FTCDNL1: variants seen among roughly 807,000 people sequenced by gnomAD.
The protein encoded by FTCDNL1 is formiminotransferase cyclodeaminase N-terminal like.
Under a neutral mutation model 5.9 loss-of-function variants are expected in FTCDNL1, and 11 were observed. The ratio of observed to expected loss-of-function variants is 1.87; its 90% CI spans 1.18 to 3.10. The LOEUF (loss-of-function observed/expected upper bound fraction) is 3.10. Among genes scored for constraint, FTCDNL1 ranks in the 30% most tolerant of loss-of-function variants. The pLI, the probability that FTCDNL1 is intolerant of heterozygous loss-of-function variation, is 0.00. For synonymous variants in FTCDNL1, 58 were observed against 24.8 expected, an observed-to-expected ratio of 2.34 and a Z score of -3.99; for missense variants, 115 against 65.5, an observed-to-expected ratio of 1.76 and a Z score of -2.61.
intron 3 of FTCDNL1, among the ~76,000 whole-genome samples, chr2:199,823,216 G>A (rs1297771192): frequency 6.6e-6 from 1 of 152,078 alleles, no homozygotes; most frequent in Non-Finnish European, 1.5e-5. Context: ...TCTACTTTTA[G>A]TTTTCTTGCT....
intron 3 of FTCDNL1, among the ~76,000 whole-genome samples, chr2:199,764,551 A>G (rs958267342): frequency 1.3e-5 from 2 of 152,206 alleles, no homozygotes; most frequent in Non-Finnish European, 2.9e-5. Context: ...CATAAAGTAC[A>G]GTGGTTATTT....
chr2:199,776,894 T>A (rs1699103773), intron 3 of FTCDNL1, among the ~76,000 whole-genome samples: 1 of 151,740 alleles, frequency 6.6e-6, no homozygotes, highest in Admixed American at 6.6e-5. Context: ...TAGACACATA[T>A]ACATGTGTAA....
At chr2:199,836,792 G>T (rs1702777037) in intron 3 of FTCDNL1, among the ~76,000 whole-genome samples, 1 of 152,128 alleles carries the variant, frequency 6.6e-6, no homozygotes, top group African/African-American at 2.4e-5. Context: ...ATACAGGGAA[G>T]GAGTAAAAGT....
At chr2:199,679,863 A>G in the FTCDNL1 span, among the ~76,000 whole-genome samples, 1 of 152,112 alleles carries the variant, frequency 6.6e-6, no homozygotes, top group African/African-American at 2.4e-5. Context: ...TTACTTTTCT[A>G]TTTATAACTT....
In FTCDNL1 at chr2:199,812,403, A is replaced by G; in HGVS notation, c.*302T>C. 3.2e-6 allele frequency: 1 copy of G among 315,600 alleles called. No individual in the cohort carries two copies. The highest frequency in any genetic ancestry group is 5.7e-6 in the Non-Finnish European group (1 of 175,592). 19.5% of individuals were successfully genotyped at this position (315,600 alleles called of 1,614,324 possible). A position where few individuals can be genotyped will look rare whatever the true frequency, so the allele number is the denominator to read the frequency against. On this transcript the variant is annotated 3_prime_UTR_variant, in exon 5 of 5. Coordinates refer to ENST00000420128, the MANE Select transcript of FTCDNL1 (RefSeq NM_001363886.2). Reference sequence around the variant, plus strand: ...ATCAAATTCTGTGTTTAAATCCAGCAGTCCCATTGACCTTATTTAAATGCT... The same window carrying G: ...ATCAAATTCTGTGTTTAAATCCAGCGGTCCCATTGACCTTATTTAAATGCT...
chr2:199,759,297 G>GTT (rs370554186), downstream of FTCDNL1, among the ~76,000 whole-genome samples: 355 of 141,942 alleles, frequency 2.5e-3, no homozygotes, highest in African/African-American at 8.6e-3. Context: ...ATCATTTGTT[G>GTT]TTTTTTTTTT....
chr2:199,818,504 T>TA, intron 4 of FTCDNL1: 1 of 152,152 alleles, frequency 6.6e-6, no homozygotes, highest in South Asian at 2.1e-4. Flanking sequence ...GTTTTATAGA[T>TA]ACGGGAACCA....
At chr2:199,728,251 CTT>C in the FTCDNL1 span, among the ~76,000 whole-genome samples, 6 of 145,544 alleles carry the variant, frequency 4.1e-5, no homozygotes, top group Non-Finnish European at 6.1e-5. Flanking sequence ...TCCATGGTAA[CTT>C]TTTTTTTTTT....
intron 3 of FTCDNL1, among the ~76,000 whole-genome samples, chr2:199,842,464 A>G (rs1269457670): frequency 3.3e-5 from 5 of 152,084 alleles, no homozygotes; most frequent in Non-Finnish European, 7.3e-5. Flanking sequence ...CTTTATTCTA[A>G]AAGTCCTCAA....
At chr2:199,747,295 AC>A in the FTCDNL1 span, among the ~76,000 whole-genome samples, 157 of 152,028 alleles carry the variant, frequency 1.0e-3, no homozygotes, top group Non-Finnish European at 1.8e-3. Context: ...CAGCTTCCCC[AC>A]CCCAGGTCAG....
At chr2:199,710,305 T>C in the FTCDNL1 span, among the ~76,000 whole-genome samples, 1 of 152,160 alleles carries the variant, frequency 6.6e-6, no homozygotes, top group Non-Finnish European at 1.5e-5. Context: ...ATGGAGAGAA[T>C]ATATGAGTTC....
At chr2:199,745,988 A>C in the FTCDNL1 span, among the ~76,000 whole-genome samples, 1 of 152,256 alleles carries the variant, frequency 6.6e-6, no homozygotes, top group African/African-American at 2.4e-5. Flanking sequence ...TATTAAATAT[A>C]AATGATTCCA....
chr2:199,676,884 A>G, the FTCDNL1 span, among the ~76,000 whole-genome samples: 2 of 152,326 alleles, frequency 1.3e-5, no homozygotes, highest in East Asian at 1.9e-4. Context: ...CCGACAAACA[A>G]AATTAAGCGT....
At chr2:199,737,433 A>C in the FTCDNL1 span, among the ~76,000 whole-genome samples, 6 of 152,320 alleles carry the variant, frequency 3.9e-5, no homozygotes, top group South Asian at 1.0e-3. Flanking sequence ...TTTCCTAGTA[A>C]AGACATTTTC....
the FTCDNL1 span, among the ~76,000 whole-genome samples, chr2:199,715,261 A>G: frequency 6.6e-6 from 1 of 152,028 alleles, no homozygotes; most frequent in Non-Finnish European, 1.5e-5. Flanking sequence ...ATCTAATTCC[A>G]TATGTGATAT....
At chr2:199,741,850 A>G in the FTCDNL1 span, among the ~76,000 whole-genome samples, 1 of 152,226 alleles carries the variant, frequency 6.6e-6, no homozygotes, top group Admixed American at 6.5e-5. Flanking sequence ...ACATTTCTCA[A>G]ATATATTGGA....
chr2:199,730,060 C>A, the FTCDNL1 span, among the ~76,000 whole-genome samples: 1 of 152,134 alleles, frequency 6.6e-6, no homozygotes, highest in Admixed American at 6.5e-5. Context: ...CATCCACAAC[C>A]ATCTGATCTT....
At chr2:199,769,479 GC>G (rs34798712) in intron 3 of FTCDNL1, among the ~76,000 whole-genome samples, 1 of 151,882 alleles carries the variant, frequency 6.6e-6, no homozygotes, top group South Asian at 2.1e-4. Context: ...TGATTTTGAG[GC>G]CCCCCCAGCC....
At chr2:199,819,380 G>A (rs1028592912) in intron 4 of FTCDNL1, 192 bp downstream of exon 4, 6 of 577,660 alleles carry the variant, frequency 1.0e-5, no homozygotes, top group Admixed American at 3.0e-5. Flanking sequence ...AATACTTGAC[G>A]GGAGCTTCTA....
Sources: gnomAD v4.1 joint callset for allele counts (sites outside exome capture counted in the v4.1 genomes callset) on GRCh38, gnomAD v4.1.1 for gene constraint, MANE v1.5 for transcripts, NCBI Gene and HGNC (gene_info 2026-07-23, HGNC 2026-07-21) for gene names.